REV3L: variants seen among roughly 807,000 people sequenced by gnomAD.
REV3L encodes DNA polymerase zeta catalytic subunit.
A neutral mutation model predicts 299.4 loss-of-function variants in REV3L; 69 were observed. The observed-to-expected ratio is 0.23, with a 90% CI of 0.19 to 0.28. The LOEUF is 0.28. Ranked by LOEUF, REV3L falls within the 10% of genes least tolerant of loss-of-function variation. REV3L has a pLI of 1.00. For missense variants in REV3L, 3,128 were observed against 3,693.8 expected (o/e 0.85, Z 3.97); for synonymous variants, 1,238 against 1,271.4 (o/e 0.97, Z 0.56).
intron 1 of REV3L, among the ~76,000 whole-genome samples, chr6:111,436,525 C>G (rs1196240700): frequency 6.6e-6 from 1 of 151,976 alleles, no homozygotes; most frequent in East Asian, 1.9e-4. Flanking sequence ...TGAAAAAAGC[C>G]AAGTACAGAA....
At chr6:111,445,134 G>A (rs976220885) in intron 1 of REV3L, among the ~76,000 whole-genome samples, 2 of 152,110 alleles carry the variant, frequency 1.3e-5, no homozygotes, top group South Asian at 4.1e-4. Context: ...AAACTTTTGG[G>A]GTCCACTTAA....
In REV3L at chr6:111,376,628, G is replaced by A; in HGVS notation, c.1727C>T (p.Thr576Ile). The A allele has an allele frequency of 6.2e-7, 1 of 1,613,160 alleles. No homozygotes were observed. Reference protein sequence around the residue: ...TLEPSSSAKITFQCKHTSALS... With the variant: ...TLEPSSSAKIIFQCKHTSALS... ...GGCACTTGTGTGTTTACACTGAAAG[G>A]TAATCTTAGCAGAAGATGAGGGTTC... is the stretch of plus-strand genomic sequence containing the variant. The change falls in exon 13 of 32, where the codon ACC (threonine) becomes ATC (isoleucine). Residue 576 changes from threonine to isoleucine, a missense_variant. Thr to Ile is a moderately conservative substitution (Grantham distance 89). Around this residue, in one of 9 missense-constraint regions of REV3L, gnomAD observed 2,409 missense variants for 2,611.8 expected, o/e 0.92. Transcript: ENST00000368802.
intron 31 of REV3L, among the ~76,000 whole-genome samples, chr6:111,307,110 G>C (rs745871767): frequency 1.3e-5 from 2 of 151,970 alleles, no homozygotes; most frequent in African/African-American, 2.4e-5. Context: ...AAATTGGATG[G>C]ATGGCCATTC....
At chr6:111,449,595 C>T (rs1042695416) in intron 1 of REV3L, among the ~76,000 whole-genome samples, 1 of 152,176 alleles carries the variant, frequency 6.6e-6, no homozygotes, top group Non-Finnish European at 1.5e-5. Flanking sequence ...CTTCACAAGA[C>T]ATCGAGTAGA....
In REV3L at chr6:111,389,913, T is replaced by C. The variant is rs952714774; in HGVS notation, c.757+173A>G. Reference sequence around the variant, plus strand: ...CACCACACTCAGCTAATTTATTTTGTATTTTAGTAGAGACGGGGTTTCACC... The same window carrying C: ...CACCACACTCAGCTAATTTATTTTGCATTTTAGTAGAGACGGGGTTTCACC... On this transcript the variant is annotated intron_variant, in intron 6 of 31. Coordinates refer to ENST00000368802, the MANE Select transcript of REV3L (RefSeq NM_001372078.1). Among the ~76,000 whole-genome samples, 5 of 151,972 alleles carry C rather than the reference T, an allele frequency of 3.3e-5. No homozygotes were observed. In the East Asian group the frequency reaches 7.7e-4, roughly 23 times the overall value.
intron 1 of REV3L, among the ~76,000 whole-genome samples, chr6:111,475,159 T>C (rs545635926): frequency 6.6e-6 from 1 of 152,304 alleles, no homozygotes; most frequent in Admixed American, 6.5e-5. Flanking sequence ...CCTCATATCT[T>C]TGACATAGCA....
chr6:111,332,974 A>G, intron 23 of REV3L, 149 bp downstream of exon 23: 2 of 875,792 alleles, frequency 2.3e-6, no homozygotes, highest in Non-Finnish European at 3.4e-6. Flanking sequence ...TTGGTAAGAC[A>G]ACTATAATGA....
At chr6:111,307,312 T>C (rs1772425507) in intron 31 of REV3L, 49 bp downstream of exon 31, 8 of 1,495,556 alleles carry the variant, frequency 5.3e-6, no homozygotes, top group Non-Finnish European at 7.5e-6. Flanking sequence ...TATATCTTCC[T>C]GTAAGATCAG....
chr6:111,346,431 A>G (rs962556925), intron 20 of REV3L, among the ~76,000 whole-genome samples: 3 of 152,242 alleles, frequency 2.0e-5, no homozygotes, highest in African/African-American at 7.2e-5. Flanking sequence ...TGTTCAAAGT[A>G]AAGTAAGAGA....
At chr6:111,404,013 A>T (rs1004827130) in intron 4 of REV3L, among the ~76,000 whole-genome samples, 1 of 152,232 alleles carries the variant, frequency 6.6e-6, no homozygotes, top group Non-Finnish European at 1.5e-5. Context: ...CCTAGCTAAG[A>T]TAACTGATGA....
At chr6:111,470,194 A>T (rs922628765) in intron 1 of REV3L, among the ~76,000 whole-genome samples, 13 of 149,752 alleles carry the variant, frequency 8.7e-5, no homozygotes, top group South Asian at 2.1e-4. Context: ...ACACACACAC[A>T]CACACACACA....
intron 31 of REV3L, 114 bp downstream of exon 31, chr6:111,307,247 C>T: frequency 1.2e-6 from 1 of 832,898 alleles, no homozygotes; most frequent in East Asian, 2.5e-5. Context: ...CATTTAGACT[C>T]TTCATTTCAC....
At chr6:111,454,955 C>T (rs1251211617) in intron 1 of REV3L, among the ~76,000 whole-genome samples, 1 of 152,132 alleles carries the variant, frequency 6.6e-6, no homozygotes, top group African/African-American at 2.4e-5. Flanking sequence ...CATGAGCCAC[C>T]GCGCCCGGCT....
chr6:111,367,010 T>C, intron 14 of REV3L, 105 bp downstream of exon 14: 1 of 949,530 alleles, frequency 1.1e-6, no homozygotes, highest in Non-Finnish European at 1.5e-6. Context: ...TTTGCTGAGC[T>C]ATACCTTCAT....
At chr6:111,390,799 C>T (rs1554218037) in intron 5 of REV3L, among the ~76,000 whole-genome samples, 1 of 152,128 alleles carries the variant, frequency 6.6e-6, no homozygotes, top group Non-Finnish European at 1.5e-5. Flanking sequence ...ATGAGAACTA[C>T]AAAGGATTGT....
intron 1 of REV3L, among the ~76,000 whole-genome samples, chr6:111,448,914 C>T (rs374305952): frequency 7.9e-5 from 12 of 151,688 alleles, no homozygotes; most frequent in Admixed American, 2.0e-4. Context: ...CTTCCTGCCC[C>T]GGCCTCCCAA....
intron 16 of REV3L, among the ~76,000 whole-genome samples, chr6:111,363,430 C>T (rs1346368289): frequency 6.6e-6 from 1 of 152,054 alleles, no homozygotes; most frequent in Non-Finnish European, 1.5e-5. Flanking sequence ...CTCAGCCTCC[C>T]AAGTAGCTGA....
rs186199442 is a variant in REV3L, at chr6:111,342,894, T to C, written c.7538+1031A>G. On this transcript the variant is annotated intron_variant, in intron 21 of 31. Transcript: ENST00000368802. ...AGAGGCTGGAAGGGAACAAAATCTT[T>C]AGAGTGGTGAAAGAAAAAAACGCAA... Among the ~76,000 whole-genome samples the C allele has an allele frequency of 9.2e-5, 14 of 152,230 alleles. No individual in the cohort carries two copies. The East Asian group carries it at 2.3e-3, about 25-fold the overall frequency.
intron 1 of REV3L, 33 bp from the exon 2 acceptor site, chr6:111,416,505 C>T (rs755640265): frequency 5.9e-6 from 9 of 1,525,716 alleles, no homozygotes; most frequent in Non-Finnish European, 8.1e-6. Flanking sequence ...GTTTAGTTTC[C>T]AGACACAGTT....
Sources: gnomAD v4.1 joint callset for allele counts (sites outside exome capture counted in the v4.1 genomes callset) on GRCh38, gnomAD v4.1.1 for gene constraint, gnomAD v4.1.1 regional missense constraint, MANE v1.5 for transcripts, NCBI Gene and HGNC (gene_info 2026-07-23, HGNC 2026-07-21) for gene names.